Variants in UHRF2 observed in about 807,000 individuals in gnomAD.
UHRF2 encodes the protein E3 ubiquitin-protein ligase UHRF2.
Under a neutral mutation model 96.8 loss-of-function variants are expected in UHRF2, and 23 were observed. The ratio of observed to expected loss-of-function variants is 0.24; its 90% CI spans 0.17 to 0.34. UHRF2 has a LOEUF of 0.34. Ranked by LOEUF, UHRF2 falls within the 10% of genes least tolerant of loss-of-function variation. The probability of loss-of-function intolerance (pLI) is 1.00; values close to 1 mark genes in which losing one functional copy is unlikely to be tolerated. For missense variants in UHRF2, 685 were observed against 981.5 expected (o/e 0.70, Z 4.04); for synonymous variants, 385 against 332.6 (o/e 1.16, Z -1.72).
At chr9:6,442,903 G>A (rs369757332) in intron 3 of UHRF2, among the ~76,000 whole-genome samples, 36 of 152,026 alleles carry the variant, frequency 2.4e-4, no homozygotes, top group South Asian at 2.1e-3. Context: ...ATGTACTGTC[G>A]GTCAGTCTTA....
intron 4 of UHRF2, among the ~76,000 whole-genome samples, chr9:6,469,743 TATACAC>T: frequency 6.7e-6 from 1 of 149,246 alleles, no homozygotes; most frequent in East Asian, 2.0e-4. Flanking sequence ...CGTGTATATA[TATACAC>T]GTATATATAC....
At chr9:6,431,704 AT>A (rs1820572018) in intron 2 of UHRF2, among the ~76,000 whole-genome samples, 1 of 152,118 alleles carries the variant, frequency 6.6e-6, no homozygotes, top group African/African-American at 2.4e-5. Flanking sequence ...TTTGAGGTTG[AT>A]TTAGGTGTCT....
chr9:6,486,762 T>C, intron 8 of UHRF2, 59 bp from the exon 9 acceptor site: 2 of 1,534,364 alleles, frequency 1.3e-6, no homozygotes, highest in East Asian at 4.5e-5. Context: ...TGAAAGCATT[T>C]TGTAAATGTA....
intron 1 of UHRF2, among the ~76,000 whole-genome samples, 177 bp from the exon 2 acceptor site, chr9:6,420,735 T>C (rs1403245062): frequency 1.3e-5 from 2 of 148,508 alleles, no homozygotes; most frequent in African/African-American, 2.5e-5. Flanking sequence ...AGAGAGAGAA[T>C]GTATTGGGGT....
chr9:6,459,382 C>T (rs1034551524), intron 3 of UHRF2, among the ~76,000 whole-genome samples: 2 of 152,058 alleles, frequency 1.3e-5, no homozygotes, highest in African/African-American at 4.8e-5. Context: ...AAAACTTAAA[C>T]TTGGGGCCGG....
intron 14 of UHRF2, among the ~76,000 whole-genome samples, chr9:6,504,191 A>T (rs957135412): frequency 6.6e-6 from 1 of 151,806 alleles, no homozygotes; most frequent in Non-Finnish European, 1.5e-5. Flanking sequence ...ACGCCCAGAT[A>T]ATTTTTTGTA....
chr9:6,505,359 G>T (rs958445262), intron 15 of UHRF2, among the ~76,000 whole-genome samples: 1 of 152,016 alleles, frequency 6.6e-6, no homozygotes, highest in East Asian at 1.9e-4. Flanking sequence ...GTAGTGGTGC[G>T]ATCTGGGCTC....
intron 3 of UHRF2, among the ~76,000 whole-genome samples, chr9:6,435,190 C>T (rs1439682433): frequency 6.6e-6 from 1 of 152,032 alleles, no homozygotes; most frequent in Non-Finnish European, 1.5e-5. Context: ...TATGGGGTTT[C>T]ACCATGTTGG....
intron 9 of UHRF2, among the ~76,000 whole-genome samples, chr9:6,489,641 G>A (rs28501137): frequency 2.6e-5 from 4 of 151,632 alleles, no homozygotes; most frequent in East Asian, 1.9e-4. Flanking sequence ...ATTGTTGGAC[G>A]TGATTCGTTT....
chr9:6,421,659 C>T (rs1224855109), intron 2 of UHRF2, among the ~76,000 whole-genome samples: 3 of 152,122 alleles, frequency 2.0e-5, no homozygotes, highest in African/African-American at 4.8e-5. Context: ...TCAGGTGGTC[C>T]GCCCACCTCA....
In UHRF2 at chr9:6,482,080, C is replaced by G. The variant is rs1823960503; in HGVS notation, c.1373C>G (p.Thr458Ser). The change falls in exon 8 of 16, where the codon ACT becomes AGT. Residue 458 changes from threonine to serine, a missense_variant. Physicochemically the swap from Thr to Ser is moderately conservative, Grantham distance 58. Around this residue, in one of 6 missense-constraint regions of UHRF2, gnomAD observed 73 missense variants for 283.7 expected, o/e 0.26. Transcript: ENST00000276893. ...ATTCCTGGTATTCCTGTTGGATCAA[C>G]TTGGAGATTTAGAGTTCAGGTATGT... is the stretch of plus-strand genomic sequence containing the variant. ...GPIPGIPVGS[T>S]WRFRVQVSEA... 1.9e-6 allele frequency: 3 copies of G among 1,613,934 alleles called. No homozygotes were observed. The highest frequency in any genetic ancestry group is 1.7e-6 in the Non-Finnish European group (2 of 1,179,920).
At chr9:6,486,375 T>C (rs986940525) in intron 8 of UHRF2, among the ~76,000 whole-genome samples, 1 of 152,142 alleles carries the variant, frequency 6.6e-6, no homozygotes, top group African/African-American at 2.4e-5. Context: ...GGGAGAAGAA[T>C]GGGGCTAAAA....
In UHRF2 at chr9:6,477,784, A is replaced by G. The variant is rs1823674712; in HGVS notation, c.1136A>G (p.Asp379Gly). 2 of 1,609,878 alleles carry G rather than the reference A, an allele frequency of 1.2e-6. No homozygotes were observed. Among genetic ancestry groups the G allele is most frequent in the Non-Finnish European group, 1.7e-6 (2 of 1,177,054 alleles). ...YHIYCLNPPL[D>G]KVPEEEYWYC... ...ATTTACTGTCTGAATCCACCTTTGG[A>G]TAAAGTCCCAGAAGAGGAATACTGG... Residue 379 changes from aspartate (D) to glycine (G), a missense_variant, in exon 6 of 16, where the codon GAT (aspartate) becomes GGT (glycine). Physicochemically the swap from Asp to Gly is moderately conservative, Grantham distance 94. Coordinates refer to ENST00000276893, the MANE Select transcript of UHRF2 (RefSeq NM_152896.3).
At chr9:6,443,769 A>C (rs983629057) in intron 3 of UHRF2, among the ~76,000 whole-genome samples, 4 of 152,256 alleles carry the variant, frequency 2.6e-5, no homozygotes, top group African/African-American at 9.6e-5. Flanking sequence ...GATTGAAATC[A>C]AATGAAATGT....
chr9:6,429,291 G>A (rs958747177), intron 2 of UHRF2, among the ~76,000 whole-genome samples: 2 of 152,176 alleles, frequency 1.3e-5, no homozygotes, highest in Non-Finnish European at 2.9e-5. Flanking sequence ...TTTCATGTCT[G>A]GACCTCATTA....
At chr9:6,451,263 C>A (rs1356881941) in intron 3 of UHRF2, among the ~76,000 whole-genome samples, 1 of 152,068 alleles carries the variant, frequency 6.6e-6, no homozygotes, top group Non-Finnish European at 1.5e-5. Context: ...ATTGTTTATC[C>A]TGGTGGTGTT....
At chr9:6,471,482 C>T (rs1823236390) in intron 4 of UHRF2, among the ~76,000 whole-genome samples, 1 of 152,068 alleles carries the variant, frequency 6.6e-6, no homozygotes, top group Non-Finnish European at 1.5e-5. Context: ...GATGCTGTAC[C>T]ACTTCAAGAT....
In UHRF2 at chr9:6,506,434, T is replaced by C. The variant is rs1816587235; in HGVS notation, c.*255T>C. On this transcript the variant is annotated 3_prime_UTR_variant, in exon 16 of 16. Coordinates refer to ENST00000276893, the MANE Select transcript of UHRF2 (RefSeq NM_152896.3). The stretch of plus-strand genomic sequence containing the variant: ...GTCAAAGCCTCAGCTCTAGTTGATA[T>C]CCAAGTTATGATTTATTTTGCAACT... The C allele has an allele frequency of 3.3e-6, 1 of 303,034 alleles. No homozygotes were observed. Among genetic ancestry groups the C allele is most frequent in the Non-Finnish European group, 6.0e-6 (1 of 167,530 alleles). 18.8% of individuals were successfully genotyped at this position (303,034 alleles called of 1,614,324 possible). A position where few individuals can be genotyped will look rare whatever the true frequency, so the allele number is the denominator to read the frequency against.
chr9:6,493,814 C>G lies in UHRF2; in HGVS notation c.1498-12C>G, dbSNP rs763847747. On this transcript the variant is annotated splice_polypyrimidine_tract_variant and intron_variant, in intron 9 of 15. Transcript: ENST00000276893. ...GTTTAGCTTTCTTAATAAAGAAAAT[C>G]TTCTCTGACAGGACCGAGGTGATGA... is the stretch of plus-strand genomic sequence containing the variant. 4 of 1,600,898 alleles carry G rather than the reference C, an allele frequency of 2.5e-6. No homozygotes were observed. The South Asian group carries it at 3.4e-5, about 14-fold the overall frequency.
Sources: gnomAD v4.1 joint callset for allele counts (sites outside exome capture counted in the v4.1 genomes callset) on GRCh38, gnomAD v4.1.1 for gene constraint, gnomAD v4.1.1 regional missense constraint, MANE v1.5 for transcripts, NCBI Gene and HGNC (gene_info 2026-07-23, HGNC 2026-07-21) for gene names.